The following KCNJ3 variants were observed in gnomAD, a reference collection of about 807,000 sequenced individuals.
The protein encoded by KCNJ3 is G protein-activated inward rectifier potassium channel 1.
A neutral mutation model predicts 39.2 loss-of-function variants in KCNJ3; 4 were observed. The ratio of observed to expected loss-of-function variants is 0.10; its 90% CI spans 0.05 to 0.23. The LOEUF (loss-of-function observed/expected upper bound fraction) is 0.23, where lower values mean the gene tolerates loss of function less well. KCNJ3 is among the 10% of genes least tolerant of loss of function. The probability of loss-of-function intolerance (pLI) is 1.00; values close to 1 mark genes in which losing one functional copy is unlikely to be tolerated. For synonymous variants in KCNJ3, 230 were observed against 237.4 expected (o/e 0.97, Z 0.29); for missense variants, 276 against 634.9 (o/e 0.43, Z 6.08).
Position 154,819,524 on chromosome 2 carries a change from T to A in KCNJ3, c.920-35203T>A, listed in dbSNP as rs899106967. Among the ~76,000 whole-genome samples the A allele has an allele frequency of 4.0e-5, 6 of 151,854 alleles. No individual in the cohort carries two copies. The South Asian group carries it at 6.2e-4, about 16-fold the overall frequency. The stretch of plus-strand genomic sequence containing the variant: ...CTAAACACAATAACATTTTATTTAT[T>A]TTTATTTATTTATTTATTTATTTTT... On this transcript the variant is annotated intron_variant, in intron 2 of 2. Coordinates refer to ENST00000295101, the MANE Select transcript of KCNJ3 (RefSeq NM_002239.4).
At position 154,858,093 on chromosome 2, in the gene KCNJ3, T is replaced by C. The variant is rs957468670; in HGVS notation, c.*2780T>C. The C allele has an allele frequency of 5.3e-5, 8 of 151,954 alleles. No individual in the cohort carries two copies. Among genetic ancestry groups the C allele is most frequent in the African/African-American group, 1.7e-4 (7 of 41,376 alleles). 9.4% of individuals were successfully genotyped at this position (151,954 alleles called of 1,614,324 possible). On this transcript the variant is annotated 3_prime_UTR_variant, in exon 3 of 3. Coordinates refer to ENST00000295101, the MANE Select transcript of KCNJ3 (RefSeq NM_002239.4). Reference sequence around the variant, plus strand: ...ACCTTATCTGAGTGAATGGTATTTTTTTTATCTTTTCCACACATGCGTGGG... The same window carrying C: ...ACCTTATCTGAGTGAATGGTATTTTCTTTATCTTTTCCACACATGCGTGGG...
intron 2 of KCNJ3, among the ~76,000 whole-genome samples, chr2:154,776,491 A>G (rs1180119748): frequency 1.3e-5 from 2 of 152,178 alleles, no homozygotes; most frequent in Non-Finnish European, 2.9e-5. Flanking sequence ...TAATTAGTGG[A>G]TTTGAAGCTG....
intron 2 of KCNJ3, among the ~76,000 whole-genome samples, chr2:154,728,498 C>T (rs1027646803): frequency 1.3e-5 from 2 of 152,166 alleles, no homozygotes; most frequent in Non-Finnish European, 2.9e-5. Context: ...TAATATACTA[C>T]AGGCTTGGTC....
chr2:154,776,697 A>G (rs1031024817), intron 2 of KCNJ3, among the ~76,000 whole-genome samples: 2 of 152,134 alleles, frequency 1.3e-5, no homozygotes, highest in African/African-American at 2.4e-5. Context: ...TTAATATCCT[A>G]GTCCCTCTGA....
intron 2 of KCNJ3, among the ~76,000 whole-genome samples, chr2:154,748,582 A>G (rs1233883334): frequency 1.3e-5 from 2 of 152,064 alleles, no homozygotes; most frequent in Admixed American, 1.3e-4. Flanking sequence ...AAACTCATCC[A>G]ATTGTAAGAT....
chr2:154,780,611 G>A (rs749963172), intron 2 of KCNJ3, among the ~76,000 whole-genome samples: 1 of 152,096 alleles, frequency 6.6e-6, no homozygotes, highest in Non-Finnish European at 1.5e-5. Context: ...GGGGTTGGGG[G>A]TCAGGGAGGG....
At chr2:154,748,443 C>T (rs1354633010) in intron 2 of KCNJ3, among the ~76,000 whole-genome samples, 2 of 151,644 alleles carry the variant, frequency 1.3e-5, no homozygotes, top group African/African-American at 4.8e-5. Context: ...TGTGGAGTTT[C>T]TGTTAAAAAC....
chr2:154,746,996 C>G (rs1685756414), intron 2 of KCNJ3, among the ~76,000 whole-genome samples: 1 of 151,836 alleles, frequency 6.6e-6, no homozygotes, highest in South Asian at 2.1e-4. Flanking sequence ...CTACTTCTTA[C>G]TGTTGCTGTT....
chr2:154,836,421 A>AT (rs898710476), intron 2 of KCNJ3, among the ~76,000 whole-genome samples: 2 of 150,756 alleles, frequency 1.3e-5, no homozygotes, highest in African/African-American at 2.4e-5. Flanking sequence ...CTTAAAAGTG[A>AT]TTTTCTGTTT....
chr2:154,698,700 C>CCCTAT lies in KCNJ3; in HGVS notation c.-76_-75insCCTAT. The stretch of plus-strand genomic sequence containing the variant: ...CCCTTTCCTCCCCCGCCCCCACCTC[C>CCCTAT]TTATTGGTGCTAGTTTGCAGCGCCC... On this transcript the variant is annotated 5_prime_UTR_variant, in exon 1 of 3. Coordinates refer to ENST00000295101, the MANE Select transcript of KCNJ3 (RefSeq NM_002239.4). The CCCTAT allele has an allele frequency of 8.2e-6, 7 of 856,928 alleles. No homozygotes were observed. Among genetic ancestry groups the CCCTAT allele is most frequent in the Admixed American group, 2.2e-5 (1 of 45,452 alleles). The allele number at this position is 856,928 out of a possible 1,614,324, so 53.1% of individuals were successfully genotyped here.
At chr2:154,789,474 A>G (rs1036406303) in intron 2 of KCNJ3, among the ~76,000 whole-genome samples, 1 of 152,074 alleles carries the variant, frequency 6.6e-6, no homozygotes, top group African/African-American at 2.4e-5. Context: ...CCTTCATATA[A>G]TTAACAGATT....
At chr2:154,816,474 C>A (rs1454526068) in intron 2 of KCNJ3, among the ~76,000 whole-genome samples, 1 of 152,072 alleles carries the variant, frequency 6.6e-6, no homozygotes, top group Non-Finnish European at 1.5e-5. Flanking sequence ...TAAATGAAAT[C>A]CCAAAGCTGG....
At chr2:154,787,979 G>T (rs75319131) in intron 2 of KCNJ3, among the ~76,000 whole-genome samples, 9,556 of 152,110 alleles carry the variant, frequency 0.063, 345 homozygotes, top group African/African-American at 0.089. Context: ...TGAGACAGAA[G>T]AGTGTTTAGA....
At chr2:154,818,911 C>T (rs1205226837) in intron 2 of KCNJ3, among the ~76,000 whole-genome samples, 1 of 112,050 alleles carries the variant, frequency 8.9e-6, no homozygotes, top group Non-Finnish European at 1.8e-5. Context: ...GCTGTAGCTG[C>T]AAAAGCCTTT....
chr2:154,829,958 T>G (rs368142883), intron 2 of KCNJ3, among the ~76,000 whole-genome samples: 1 of 152,296 alleles, frequency 6.6e-6, no homozygotes, highest in East Asian at 1.9e-4. Context: ...ATATTATTTA[T>G]AAATGATAGT....
At chr2:154,759,015 A>T (rs975540253) in intron 2 of KCNJ3, among the ~76,000 whole-genome samples, 1 of 152,126 alleles carries the variant, frequency 6.6e-6, no homozygotes, top group Admixed American at 6.5e-5. Flanking sequence ...AAACAGAAAA[A>T]CAAGTTTCAT....
chr2:154,846,323 GAATT>G (rs1417285289), intron 2 of KCNJ3, among the ~76,000 whole-genome samples: 35 of 152,084 alleles, frequency 2.3e-4, no homozygotes, highest in African/African-American at 7.5e-4. Flanking sequence ...GATCACTAAA[GAATT>G]ATTTAAAATA....
At chr2:154,722,596 G>A (rs1022136028) in intron 2 of KCNJ3, among the ~76,000 whole-genome samples, 11 of 152,172 alleles carry the variant, frequency 7.2e-5, no homozygotes, top group South Asian at 2.1e-4. Context: ...GCTGGAAAAC[G>A]TAGCACTTTT....
At chr2:154,759,996 AAAG>A (rs1686010277) in intron 2 of KCNJ3, among the ~76,000 whole-genome samples, 1 of 150,970 alleles carries the variant, frequency 6.6e-6, no homozygotes, top group Non-Finnish European at 1.5e-5. Flanking sequence ...AGAACTATTT[AAAG>A]AAGTACTGAG....
Sources: gnomAD v4.1 joint callset for allele counts (sites outside exome capture counted in the v4.1 genomes callset) on GRCh38, gnomAD v4.1.1 for gene constraint, MANE v1.5 for transcripts, NCBI Gene and HGNC (gene_info 2026-07-23, HGNC 2026-07-21) for gene names.